The following TAFA1 variants were observed in gnomAD, a reference collection of about 807,000 sequenced individuals.
TAFA1 encodes the protein TAFA chemokine like family member 1.
Under a neutral mutation model 18.5 loss-of-function variants are expected in TAFA1, and 4 were observed. That is an observed-to-expected ratio of 0.22 (90% confidence interval 0.11 to 0.49). The LOEUF (loss-of-function observed/expected upper bound fraction) is 0.49. Ranked by LOEUF, TAFA1 falls within the 20% of genes least tolerant of loss-of-function variation. The pLI is 0.98. For synonymous variants in TAFA1, 56 were observed against 55.2 expected (o/e 1.01, Z -0.06); for missense variants, 147 against 169.0 (o/e 0.87, Z 0.72).
chr3:68,462,507 A>G (rs2071804043), intron 3 of TAFA1, among the ~76,000 whole-genome samples: 1 of 152,160 alleles, frequency 6.6e-6, no homozygotes, highest in South Asian at 2.1e-4. Flanking sequence ...CTGTGAGTCA[A>G]TTAAACCTCT....
chr3:68,128,909 G>T (rs1240067319), intron 2 of TAFA1, among the ~76,000 whole-genome samples: 1 of 151,868 alleles, frequency 6.6e-6, no homozygotes, highest in African/African-American at 2.4e-5. Context: ...GAAAATTTCA[G>T]CTTTTATCCT....
At chr3:68,505,594 T>A (rs1472851582) in intron 3 of TAFA1, among the ~76,000 whole-genome samples, 1 of 152,136 alleles carries the variant, frequency 6.6e-6, no homozygotes, top group Non-Finnish European at 1.5e-5. Flanking sequence ...GAGGCTTAAC[T>A]ATGGAAGATT....
At chr3:68,268,188 C>T (rs147031384) in intron 2 of TAFA1, among the ~76,000 whole-genome samples, 525 of 152,216 alleles carry the variant, frequency 3.4e-3, no homozygotes, top group Non-Finnish European at 4.2e-3. Flanking sequence ...CTGAGTCCTC[C>T]TTATTCTGAA....
At chr3:68,252,109 G>C (rs1049054715) in intron 2 of TAFA1, among the ~76,000 whole-genome samples, 1 of 152,004 alleles carries the variant, frequency 6.6e-6, no homozygotes, top group African/African-American at 2.4e-5. Flanking sequence ...AATCTCAGTT[G>C]GCTTGTTTCT....
Position 68,305,431 on chromosome 3 carries a change from A to C in TAFA1, c.119-111849A>C, listed in dbSNP as rs1300413201. ...TGACTATATATATATATATATATAT[A>C]TATATATATATATATATATATATAT... On this transcript the variant is annotated intron_variant, in intron 2 of 4. Coordinates refer to ENST00000478136, the MANE Select transcript of TAFA1 (RefSeq NM_213609.4). Among the ~76,000 whole-genome samples, 40 of 101,008 alleles carry C rather than the reference A, an allele frequency of 4.0e-4. 1 individual carries two copies. In the East Asian group the frequency reaches 4.9e-3, roughly 12 times the overall value. 66.3% of individuals were successfully genotyped at this position (101,008 alleles called of 152,430 possible). A position where few individuals can be genotyped will look rare whatever the true frequency, so the allele number is the denominator to read the frequency against.
At chr3:68,402,235 C>T (rs1302619258) in intron 2 of TAFA1, among the ~76,000 whole-genome samples, 1 of 152,084 alleles carries the variant, frequency 6.6e-6, no homozygotes, top group Non-Finnish European at 1.5e-5. Flanking sequence ...CTCATTGATT[C>T]ATGCAAACTT....
chr3:68,248,591 C>A (rs902628969), intron 2 of TAFA1, among the ~76,000 whole-genome samples: 1 of 151,832 alleles, frequency 6.6e-6, no homozygotes, highest in African/African-American at 2.4e-5. Context: ...CTTAAGCATA[C>A]CCTGAGAATG....
chr3:68,010,689 A>G (rs901093490), intron 2 of TAFA1, among the ~76,000 whole-genome samples: 1 of 152,228 alleles, frequency 6.6e-6, no homozygotes, highest in Non-Finnish European at 1.5e-5. Context: ...TAAAACAGTC[A>G]ATCAAATGAA....
chr3:68,019,642 A>G (rs977072377), intron 2 of TAFA1, among the ~76,000 whole-genome samples: 4 of 152,204 alleles, frequency 2.6e-5, no homozygotes, highest in African/African-American at 9.7e-5. Flanking sequence ...TTGCTAAAAT[A>G]TAGAATATGC....
At chr3:68,482,403 A>T (rs530694574) in intron 3 of TAFA1, among the ~76,000 whole-genome samples, 64 of 152,332 alleles carry the variant, frequency 4.2e-4, no homozygotes, top group African/African-American at 1.5e-3. Context: ...GCAAAAGAGA[A>T]GCAAGTTAAC....
At chr3:68,343,502 A>C (rs1189262354) in intron 2 of TAFA1, among the ~76,000 whole-genome samples, 1 of 152,206 alleles carries the variant, frequency 6.6e-6, no homozygotes, top group Non-Finnish European at 1.5e-5. Flanking sequence ...AAGATAATAA[A>C]GTACAGATTG....
At chr3:68,064,098 A>G (rs1037842923) in intron 2 of TAFA1, among the ~76,000 whole-genome samples, 6 of 152,202 alleles carry the variant, frequency 3.9e-5, no homozygotes, top group African/African-American at 1.4e-4. Context: ...AAATTCAAAT[A>G]TGTAAAAGCA....
chr3:68,432,272 C>G (rs542620249), intron 3 of TAFA1, among the ~76,000 whole-genome samples: 1 of 151,818 alleles, frequency 6.6e-6, no homozygotes, highest in Non-Finnish European at 1.5e-5. Flanking sequence ...CTCTTGGAAC[C>G]ACAGTCTCTT....
At chr3:68,132,614 C>T (rs747520685) in intron 2 of TAFA1, among the ~76,000 whole-genome samples, 1 of 152,168 alleles carries the variant, frequency 6.6e-6, no homozygotes, top group Non-Finnish European at 1.5e-5. Context: ...ATTTACATTT[C>T]TCTTATGACC....
intron 2 of TAFA1, among the ~76,000 whole-genome samples, chr3:68,141,411 A>T (rs1476826122): frequency 1.3e-5 from 2 of 152,116 alleles, no homozygotes; most frequent in Non-Finnish European, 2.9e-5. Context: ...AAGTAGACAA[A>T]CCCTTTATTA....
chr3:68,201,605 T>C (rs564408859), intron 2 of TAFA1, among the ~76,000 whole-genome samples: 6 of 151,922 alleles, frequency 3.9e-5, no homozygotes, highest in African/African-American at 1.2e-4. Context: ...TCTTGGAGAA[T>C]TGACTTCTTT....
rs1199906999 is a variant in TAFA1, at chr3:68,370,468, GTGTGTATATATATATATATATA to G, written c.119-46810_119-46789del. Among the ~76,000 whole-genome samples, 22 of 16,622 alleles carry G rather than the reference GTGTGTATATATATATATATATA, an allele frequency of 1.3e-3. 1 individual carries two copies. The highest frequency in any genetic ancestry group is 0.056 in the Middle Eastern group (1 of 18). 10.9% of individuals were successfully genotyped at this position (16,622 alleles called of 152,430 possible). Reference sequence around the variant, plus strand: ...TATGTATATATATGTGTGTGTGTGTGTGTGTATATATATATATATATATATATATATATATATATATATATAT... The same window carrying G: ...TATGTATATATATGTGTGTGTGTGTGTATATATATATATATATATATATAT... On this transcript the variant is annotated intron_variant, in intron 2 of 4. Coordinates refer to ENST00000478136, the MANE Select transcript of TAFA1 (RefSeq NM_213609.4).
At chr3:68,471,213 G>A (rs2106947790) in intron 3 of TAFA1, among the ~76,000 whole-genome samples, 1 of 152,340 alleles carries the variant, frequency 6.6e-6, no homozygotes, top group South Asian at 2.1e-4. Flanking sequence ...TGAATGTCCA[G>A]GCAGAAGTTT....
At chr3:68,483,297 A>G (rs1320534207) in intron 3 of TAFA1, among the ~76,000 whole-genome samples, 1 of 67,002 alleles carries the variant, frequency 1.5e-5, no homozygotes, top group African/African-American at 8.4e-5. Context: ...TTTGTTGACC[A>G]AGTATGGTCT....
Sources: gnomAD v4.1 joint callset for allele counts (sites outside exome capture counted in the v4.1 genomes callset) on GRCh38, gnomAD v4.1.1 for gene constraint, MANE v1.5 for transcripts, NCBI Gene and HGNC (gene_info 2026-07-23, HGNC 2026-07-21) for gene names.